Variants in ST6GALNAC3 observed in about 807,000 individuals in gnomAD.
The protein encoded by ST6GALNAC3 is alpha-N-acetylgalactosaminide alpha-2,6-sialyltransferase 3.
Under a neutral mutation model 32.7 loss-of-function variants are expected in ST6GALNAC3, and 25 were observed. The ratio of observed to expected loss-of-function variants is 0.76; its 90% confidence interval spans 0.56 to 1.07. The LOEUF (loss-of-function observed/expected upper bound fraction) is 1.07. ST6GALNAC3 is among the 50% of genes least tolerant of loss of function. The probability of loss-of-function intolerance (pLI) is 0.00; values close to 1 mark genes in which losing one functional copy is unlikely to be tolerated. For synonymous variants in ST6GALNAC3, 129 were observed against 133.1 expected, an observed-to-expected ratio of 0.97 and a Z score of 0.21; for missense variants, 355 against 382.4, an observed-to-expected ratio of 0.93 and a Z score of 0.60.
At chr1:76,317,592 C>G (rs999444870) in intron 2 of ST6GALNAC3, among the ~76,000 whole-genome samples, 3 of 152,090 alleles carry the variant, frequency 2.0e-5, no homozygotes, top group African/African-American at 7.2e-5. Context: ...AAGACTTTCC[C>G]CTTAAATGCA....
chr1:76,308,313 T>C (rs148691653), intron 1 of ST6GALNAC3, among the ~76,000 whole-genome samples: 41 of 152,306 alleles, frequency 2.7e-4, no homozygotes, highest in African/African-American at 9.6e-4. Context: ...ATTATGTGCC[T>C]GGTACTGTGT....
intron 1 of ST6GALNAC3, among the ~76,000 whole-genome samples, chr1:76,108,670 G>A (rs1462791262): frequency 6.6e-6 from 1 of 152,190 alleles, no homozygotes. Context: ...TGTCTTCTGA[G>A]CCTGGGTATG....
intron 3 of ST6GALNAC3, among the ~76,000 whole-genome samples, chr1:76,437,462 A>G (rs1479977950): frequency 2.0e-5 from 3 of 152,102 alleles, no homozygotes; most frequent in African/African-American, 7.2e-5. Flanking sequence ...TTTCCAAGGT[A>G]AATTTGCTTT....
At chr1:76,548,925 C>G (rs1287625770) in intron 3 of ST6GALNAC3, among the ~76,000 whole-genome samples, 1 of 152,158 alleles carries the variant, frequency 6.6e-6, no homozygotes, top group Non-Finnish European at 1.5e-5. Context: ...CTTTAGTGCC[C>G]TGTGCCTGAT....
chr1:76,106,506 C>T lies in ST6GALNAC3; in HGVS notation c.18+31622C>T, dbSNP rs570147723. The stretch of plus-strand genomic sequence containing the variant: ...CTGTGCTTTGACTTCAGTGCTGTGC[C>T]TTGTGCTTGGGATAATTGTGTTTTC... On this transcript the variant is annotated intron_variant, in intron 1 of 4. Coordinates refer to ENST00000328299, the MANE Select transcript of ST6GALNAC3 (RefSeq NM_152996.4). Among the ~76,000 whole-genome samples the T allele has an allele frequency of 1.7e-3, 265 of 152,258 alleles. 4 individuals carry two copies. Among genetic ancestry groups the T allele is most frequent in the African/African-American group, 6.2e-3 (256 of 41,550 alleles).
intron 1 of ST6GALNAC3, among the ~76,000 whole-genome samples, chr1:76,186,964 C>G (rs529124662): frequency 7.9e-5 from 12 of 152,176 alleles, no homozygotes; most frequent in Non-Finnish European, 5.9e-5. Flanking sequence ...TATCACATTT[C>G]GTTTCCAAGG....
intron 1 of ST6GALNAC3, among the ~76,000 whole-genome samples, chr1:76,184,824 G>A (rs1307530030): frequency 6.6e-6 from 1 of 152,126 alleles, no homozygotes; most frequent in Non-Finnish European, 1.5e-5. Context: ...GTTCTGGTGT[G>A]TCAGACTGTC....
At chr1:76,246,087 G>C (rs1657241014) in intron 1 of ST6GALNAC3, among the ~76,000 whole-genome samples, 1 of 152,142 alleles carries the variant, frequency 6.6e-6, no homozygotes, top group Non-Finnish European at 1.5e-5. Flanking sequence ...GAATCTGGGT[G>C]CTCCTATGTT....
chr1:76,578,338 G>A (rs529551850), intron 3 of ST6GALNAC3, among the ~76,000 whole-genome samples: 22 of 152,150 alleles, frequency 1.4e-4, no homozygotes, highest in African/African-American at 5.3e-4. Flanking sequence ...TAAACAATCA[G>A]TTGCAAGAGG....
At chr1:76,374,410 T>C (rs1018100782) in intron 2 of ST6GALNAC3, among the ~76,000 whole-genome samples, 2 of 152,174 alleles carry the variant, frequency 1.3e-5, no homozygotes, top group Non-Finnish European at 1.5e-5. Flanking sequence ...TTGTACATAA[T>C]GGAATATTGC....
chr1:76,335,464 C>T (rs1647389719), intron 2 of ST6GALNAC3, among the ~76,000 whole-genome samples: 1 of 151,996 alleles, frequency 6.6e-6, no homozygotes, highest in Admixed American at 6.6e-5. Flanking sequence ...CACACTCACA[C>T]TCAGTCAGAT....
At chr1:76,158,146 G>A (rs1395736815) in intron 1 of ST6GALNAC3, among the ~76,000 whole-genome samples, 1 of 152,220 alleles carries the variant, frequency 6.6e-6, no homozygotes, top group African/African-American at 2.4e-5. Context: ...GGCCATCTGT[G>A]GGGTGGTTGT....
At chr1:76,195,743 G>C in intron 1 of ST6GALNAC3, among the ~76,000 whole-genome samples, 1 of 152,324 alleles carries the variant, frequency 6.6e-6, no homozygotes, top group Admixed American at 6.5e-5. Flanking sequence ...GTCTTAGGGA[G>C]CTCCTAACAT....
intron 3 of ST6GALNAC3, among the ~76,000 whole-genome samples, chr1:76,462,359 C>T (rs993241312): frequency 1.3e-5 from 2 of 152,100 alleles, no homozygotes; most frequent in Non-Finnish European, 2.9e-5. Flanking sequence ...CATTATTTTT[C>T]CCTTTACTTT....
chr1:76,375,967 T>C (rs73004244), intron 2 of ST6GALNAC3, among the ~76,000 whole-genome samples: 6,248 of 152,202 alleles, frequency 0.041, 151 homozygotes, highest in Admixed American at 0.078. Flanking sequence ...ATGAAGAGAC[T>C]ATAGACTAAC....
At chr1:76,588,135 A>C (rs1373459710) in intron 3 of ST6GALNAC3, among the ~76,000 whole-genome samples, 1 of 152,188 alleles carries the variant, frequency 6.6e-6, no homozygotes, top group Non-Finnish European at 1.5e-5. Flanking sequence ...ATTCCCCTAA[A>C]GACATCCTAA....
At chr1:76,201,642 G>GA (rs1654524695) in intron 1 of ST6GALNAC3, among the ~76,000 whole-genome samples, 1 of 150,472 alleles carries the variant, frequency 6.6e-6, no homozygotes, top group Non-Finnish European at 1.5e-5. Context: ...GCGGTAGGGA[G>GA]AAAAAACTGT....
intron 1 of ST6GALNAC3, among the ~76,000 whole-genome samples, chr1:76,091,409 G>A (rs77888194): frequency 1.3e-5 from 2 of 152,206 alleles, no homozygotes; most frequent in Non-Finnish European, 2.9e-5. Context: ...TAAATTGGGA[G>A]GAGTAAGGGA....
chr1:76,149,179 T>C (rs529083398), intron 1 of ST6GALNAC3, among the ~76,000 whole-genome samples: 114 of 152,352 alleles, frequency 7.5e-4, no homozygotes, highest in Non-Finnish European at 1.4e-3. Context: ...TCTGAATCTT[T>C]ATAATCTTTT....
Sources: allele counts gnomAD v4.1 joint callset (sites outside exome capture counted in the v4.1 genomes callset), GRCh38; gene constraint gnomAD v4.1.1; transcripts MANE v1.5; gene names NCBI Gene and HGNC (gene_info 2026-07-23, HGNC 2026-07-21).